Variants in NYAP2 observed in about 807,000 individuals in gnomAD.
NYAP2 encodes neuronal tyrosine-phosphorylated phosphoinositide-3-kinase adaptor 2.
A neutral mutation model predicts 50.4 loss-of-function variants in NYAP2; 23 were observed. The observed-to-expected ratio is 0.46, with a 90% CI of 0.33 to 0.65. The LOEUF (loss-of-function observed/expected upper bound fraction) is 0.65. Among genes scored for constraint, NYAP2 ranks in the 30% least tolerant of loss-of-function variants. The pLI is 0.02. For missense variants in NYAP2, 885 were observed against 861.0 expected, an observed-to-expected ratio of 1.03 and a Z score of -0.35; for synonymous variants, 394 against 365.2, an observed-to-expected ratio of 1.08 and a Z score of -0.90.
In NYAP2 at chr2:225,582,319, T is replaced by A. The variant is rs754504180; in HGVS notation, c.902T>A (p.Val301Glu). 20 of 1,613,906 alleles carry A rather than the reference T, an allele frequency of 1.2e-5. No homozygotes were observed. The Admixed American group carries it at 3.3e-4, about 27-fold the overall frequency. Residue 301 changes from valine to glutamate, a missense_variant, in exon 5 of 7, where the codon GTG becomes GAG. Physicochemically the swap from Val to Glu is moderately radical, Grantham distance 121. Coordinates refer to ENST00000636099, the Ensembl canonical transcript of NYAP2. The surrounding 1 kb of genome is among the most constrained non-coding windows in gnomAD (Gnocchi z 7.0). ...TCTTCGCAGTGTGCTACTCCCACGGTGCCTGACTTGGACTTCGCCAAGGCC... is the reference window on the plus strand; with the variant it reads ...TCTTCGCAGTGTGCTACTCCCACGGAGCCTGACTTGGACTTCGCCAAGGCC...
At chr2:225,552,055 C>T (rs1897228) in intron 4 of NYAP2, among the ~76,000 whole-genome samples, 33,961 of 152,056 alleles carry the variant, frequency 0.22, 3,805 homozygotes, top group African/African-American at 0.25. Flanking sequence ...TCAAGTGTTC[C>T]ACCTGCCTCG....
At chr2:225,604,098 G>A (rs995281116) in intron 5 of NYAP2, among the ~76,000 whole-genome samples, 2 of 152,232 alleles carry the variant, frequency 1.3e-5, no homozygotes, top group East Asian at 3.9e-4. Flanking sequence ...CGATTCCCAA[G>A]GTATTTTGTG....
the NYAP2 span, among the ~76,000 whole-genome samples, chr2:225,668,411 C>T: frequency 1.3e-4 from 20 of 152,294 alleles, no homozygotes; most frequent in Non-Finnish European, 2.2e-4. Context: ...ATATACTCTG[C>T]GTACCAGGAG....
intron 5 of NYAP2, among the ~76,000 whole-genome samples, chr2:225,607,080 T>G (rs1361258223): frequency 6.6e-6 from 1 of 152,166 alleles, no homozygotes; most frequent in Admixed American, 6.6e-5. Context: ...TTTCTTGTCA[T>G]GTATTAAGGC....
In NYAP2 at chr2:225,582,048, T is replaced by C; in HGVS notation, c.631T>C (p.Tyr211His). Residue 211 changes from tyrosine to histidine, a missense_variant, in exon 5 of 7, where the codon TAC (tyrosine) becomes CAC (histidine). By Grantham distance (83) the Tyr-to-His change is moderately conservative. Coordinates refer to ENST00000636099, the Ensembl canonical transcript of NYAP2. This position sits in a 1 kb window ranked among gnomAD's most constrained non-coding sequence, Gnocchi z 7.0. ...GCTGAGCACATCTTTCGATGAAACG[T>C]ACATCAAAAAGCATGGGCCCCGGAG... 1 of 1,613,932 alleles carries C rather than the reference T, an allele frequency of 6.2e-7. No individual in the cohort carries two copies. Among genetic ancestry groups the C allele is most frequent in the Non-Finnish European group, 8.5e-7 (1 of 1,179,874 alleles).
chr2:225,665,627 G>A, the NYAP2 span, among the ~76,000 whole-genome samples: 5 of 149,848 alleles, frequency 3.3e-5, no homozygotes, highest in Admixed American at 6.6e-5. Context: ...TGACCAACAT[G>A]GTGAAACCCC....
At chr2:225,596,498 G>A (rs1178581571) in intron 5 of NYAP2, among the ~76,000 whole-genome samples, 1 of 152,152 alleles carries the variant, frequency 6.6e-6, no homozygotes, top group African/African-American at 2.4e-5. Flanking sequence ...CAATTAAATG[G>A]TAAGTTTTTG....
At position 225,400,709 on chromosome 2, in the gene NYAP2, A is replaced by C. The variant is rs1180634427; in HGVS notation, c.-352A>C. On this transcript the variant is annotated 5_prime_UTR_variant, in exon 2 of 7. It removes an upstream start codon present in the reference 5' UTR. Transcript: ENST00000636099. ...GTGTGTTCATCCCCACCCATTAGCT[A>C]TGCCCTCTTTTCTCCGAATGTCGAT... 1 of 152,088 alleles carries C rather than the reference A, an allele frequency of 6.6e-6. No homozygotes were observed. Among genetic ancestry groups the C allele is most frequent in the East Asian group, 1.9e-4 (1 of 5,154 alleles). The allele number at this position is 152,088 out of a possible 1,614,324, so 9.4% of individuals were successfully genotyped here.
chr2:225,402,380 T>C (rs186684718), intron 2 of NYAP2, among the ~76,000 whole-genome samples: 115 of 152,194 alleles, frequency 7.6e-4, no homozygotes, highest in African/African-American at 2.5e-3. Flanking sequence ...TTTATTAGAC[T>C]GACTACATCT....
chr2:225,698,657 G>A, the NYAP2 span: 2 of 152,114 alleles, frequency 1.3e-5, no homozygotes, highest in East Asian at 1.9e-4. Context: ...AATGCCACGG[G>A]AAGCTGTGCC....
chr2:225,593,699 AT>A (rs1466549783), intron 5 of NYAP2, among the ~76,000 whole-genome samples: 1 of 152,220 alleles, frequency 6.6e-6, no homozygotes, highest in Non-Finnish European at 1.5e-5. Flanking sequence ...ACTTTTTGTA[AT>A]ACTTGATCCA....
At chr2:225,503,725 C>A (rs1835533) in intron 3 of NYAP2, among the ~76,000 whole-genome samples, 33,817 of 152,080 alleles carry the variant, frequency 0.22, 3,802 homozygotes, top group African/African-American at 0.25. Flanking sequence ...AAGCATAACT[C>A]CCTAGCCATG....
intron 3 of NYAP2, among the ~76,000 whole-genome samples, chr2:225,511,363 C>CAG (rs1187216664): frequency 1.4e-5 from 2 of 142,834 alleles, no homozygotes; most frequent in East Asian, 4.0e-4. Context: ...CACACACACA[C>CAG]ACACACACAC....
At chr2:225,666,776 G>A in the NYAP2 span, among the ~76,000 whole-genome samples, 1 of 151,956 alleles carries the variant, frequency 6.6e-6, no homozygotes, top group Admixed American at 6.6e-5. Flanking sequence ...TCAGGATTGG[G>A]AGGGCCTGAA....
the NYAP2 span, among the ~76,000 whole-genome samples, chr2:225,668,005 AT>A: frequency 1.3e-5 from 2 of 152,302 alleles, no homozygotes; most frequent in East Asian, 3.9e-4. Flanking sequence ...ACCTACTATC[AT>A]CTAATATAAA....
At chr2:225,696,507 A>G in the NYAP2 span, among the ~76,000 whole-genome samples, 1 of 151,978 alleles carries the variant, frequency 6.6e-6, no homozygotes, top group Non-Finnish European at 1.5e-5. Context: ...CCAGTGACCA[A>G]TGGAAATTTG....
chr2:225,629,611 A>T (rs532325059), intron 6 of NYAP2, among the ~76,000 whole-genome samples: 2 of 152,300 alleles, frequency 1.3e-5, no homozygotes, highest in African/African-American at 4.8e-5. Context: ...AAGTTCAAGA[A>T]GCATGGAGCT....
the NYAP2 span, among the ~76,000 whole-genome samples, chr2:225,662,314 G>T: frequency 6.6e-6 from 1 of 152,228 alleles, no homozygotes; most frequent in Non-Finnish European, 1.5e-5. Context: ...CTGCAGCTGT[G>T]CATGTGCACA....
chr2:225,629,795 A>G (rs924085199), intron 6 of NYAP2, among the ~76,000 whole-genome samples: 5 of 152,178 alleles, frequency 3.3e-5, no homozygotes, highest in Non-Finnish European at 5.9e-5. Flanking sequence ...TACTACCTCA[A>G]GAACAGCAGC....
Sources: allele counts gnomAD v4.1 joint callset (sites outside exome capture counted in the v4.1 genomes callset), GRCh38; gene constraint gnomAD v4.1.1; non-coding constraint Gnocchi (gnomAD v3.1); transcripts MANE v1.5; gene names NCBI Gene and HGNC (gene_info 2026-07-23, HGNC 2026-07-21).